Variants in SCHIP1 observed in about 807,000 individuals in gnomAD.
SCHIP1 encodes the protein schwannomin interacting protein 1.
Under a neutral mutation model 29.7 loss-of-function variants are expected in SCHIP1, and 8 were observed. The observed-to-expected ratio is 0.27, with a 90% CI of 0.16 to 0.49. The LOEUF (loss-of-function observed/expected upper bound fraction) is 0.49, where lower values mean the gene tolerates loss of function less well. Among genes scored for constraint, SCHIP1 ranks in the 20% least tolerant of loss-of-function variants. SCHIP1 has a pLI of 0.99. For missense variants in SCHIP1, 193 were observed against 294.6 expected (o/e 0.66, Z 2.52); for synonymous variants, 76 against 94.9 (o/e 0.80, Z 1.16).
intron 2 of SCHIP1, among the ~76,000 whole-genome samples, chr3:159,884,349 C>CTGTG (rs10661642): frequency 0.25 from 35,619 of 140,458 alleles, 4,118 homozygotes; most frequent in East Asian, 0.4. Context: ...GTGTCTGTGT[C>CTGTG]TGTGTGTGTG....
intron 1 of SCHIP1, among the ~76,000 whole-genome samples, chr3:159,848,257 T>C (rs1237893224): frequency 1.3e-5 from 2 of 152,150 alleles, no homozygotes; most frequent in African/African-American, 2.4e-5. Context: ...TAAGTGACTG[T>C]GAGTAGGTTT....
At chr3:159,771,994 A>G in the SCHIP1 span, among the ~76,000 whole-genome samples, 3 of 152,114 alleles carry the variant, frequency 2.0e-5, no homozygotes, top group African/African-American at 7.2e-5. Flanking sequence ...TGAACAACTC[A>G]CCACTGGCAT....
At chr3:159,711,394 A>AAAG in the SCHIP1 span, among the ~76,000 whole-genome samples, 3 of 77,682 alleles carry the variant, frequency 3.9e-5, no homozygotes, top group Admixed American at 1.4e-4. Context: ...AAAAAAAAAA[A>AAAG]AAAGAAATTT....
chr3:159,841,500 T>C (rs1744216617), intron 1 of SCHIP1, among the ~76,000 whole-genome samples: 1 of 150,932 alleles, frequency 6.6e-6, no homozygotes, highest in African/African-American at 2.4e-5. Context: ...ATAGAGAGCC[T>C]AATCTACACA....
chr3:159,723,318 G>T, the SCHIP1 span, among the ~76,000 whole-genome samples: 6 of 152,164 alleles, frequency 3.9e-5, no homozygotes, highest in African/African-American at 1.4e-4. Flanking sequence ...CTACAGTTTT[G>T]CTACATATTG....
At chr3:159,365,256 C>T in the SCHIP1 span, among the ~76,000 whole-genome samples, 1 of 152,092 alleles carries the variant, frequency 6.6e-6, no homozygotes, top group Non-Finnish European at 1.5e-5. Flanking sequence ...GACAGATATT[C>T]CACTTTCAGA....
At chr3:159,344,136 C>A in the SCHIP1 span, among the ~76,000 whole-genome samples, 2 of 151,992 alleles carry the variant, frequency 1.3e-5, no homozygotes, top group Admixed American at 1.3e-4. Flanking sequence ...AGTTCGAGAC[C>A]AGCCTGACCA....
the SCHIP1 span, among the ~76,000 whole-genome samples, chr3:159,828,536 G>A: frequency 6.7e-6 from 1 of 149,290 alleles, no homozygotes; most frequent in Non-Finnish European, 1.5e-5. Flanking sequence ...AGTTATTAAA[G>A]GTATTATTGA....
the SCHIP1 span, among the ~76,000 whole-genome samples, chr3:159,759,597 G>A: frequency 6.6e-6 from 1 of 152,170 alleles, no homozygotes; most frequent in Admixed American, 6.5e-5. Context: ...AAGTTGGTTA[G>A]AGATAGGGCC....
the SCHIP1 span, among the ~76,000 whole-genome samples, chr3:159,829,030 A>G: frequency 4.7e-4 from 71 of 152,188 alleles, no homozygotes; most frequent in Non-Finnish European, 3.4e-4. Context: ...ACAGAGAGTA[A>G]AAGAGATGGT....
At chr3:159,587,575 T>A in the SCHIP1 span, among the ~76,000 whole-genome samples, 1 of 152,088 alleles carries the variant, frequency 6.6e-6, no homozygotes, top group African/African-American at 2.4e-5. Context: ...ACCCCTTAAC[T>A]CATAATTTAC....
the SCHIP1 span, among the ~76,000 whole-genome samples, chr3:159,465,435 C>T: frequency 1.5e-4 from 23 of 151,620 alleles, no homozygotes; most frequent in Admixed American, 1.3e-3. Flanking sequence ...GAGATGAAAG[C>T]GTTTTAACAA....
intron 1 of SCHIP1, among the ~76,000 whole-genome samples, chr3:159,863,873 A>G (rs1577454382): frequency 6.6e-6 from 1 of 152,240 alleles, no homozygotes; most frequent in East Asian, 1.9e-4. Context: ...GCTCTAGTTT[A>G]TCAAGAAAGA....
chr3:159,866,334 C>T (rs1714623032), intron 2 of SCHIP1, 53 bp downstream of exon 3: 1 of 1,477,960 alleles, frequency 6.8e-7, no homozygotes, highest in Non-Finnish European at 9.2e-7. Flanking sequence ...GATTCTGTCA[C>T]TTGACTATTC....
the SCHIP1 span, among the ~76,000 whole-genome samples, chr3:159,779,926 C>T: frequency 1.3e-5 from 2 of 152,092 alleles, no homozygotes; most frequent in African/African-American, 4.8e-5. Context: ...GAGGATGGGA[C>T]ATATTGGAAA....
At chr3:159,373,775 A>T in the SCHIP1 span, among the ~76,000 whole-genome samples, 1 of 152,142 alleles carries the variant, frequency 6.6e-6, no homozygotes, top group Admixed American at 6.6e-5. Context: ...CATTGTGTAT[A>T]TATATATGTA....
the SCHIP1 span, among the ~76,000 whole-genome samples, chr3:159,823,435 C>T: frequency 8.2e-4 from 125 of 152,182 alleles, 1 homozygote; most frequent in Admixed American, 1.2e-3. Flanking sequence ...AACTCATCAA[C>T]GACCTCAGTT....
At chr3:159,567,969 G>A in the SCHIP1 span, among the ~76,000 whole-genome samples, 2 of 152,008 alleles carry the variant, frequency 1.3e-5, no homozygotes, top group Non-Finnish European at 2.9e-5. Context: ...TTTTTTAAAA[G>A]GTCATTCATT....
chr3:159,376,429 C>A, the SCHIP1 span, among the ~76,000 whole-genome samples: 1 of 152,142 alleles, frequency 6.6e-6, no homozygotes, highest in African/African-American at 2.4e-5. Flanking sequence ...GCTGTGGCCA[C>A]CTGCCTCCCC....
Sources: allele counts gnomAD v4.1 joint callset (sites outside exome capture counted in the v4.1 genomes callset), GRCh38; gene constraint gnomAD v4.1.1; transcripts MANE v1.5; gene names NCBI Gene and HGNC (gene_info 2026-07-23, HGNC 2026-07-21).